Variants in CDH18 observed in about 807,000 individuals in gnomAD.
CDH18 encodes the protein cadherin 18.
CDH18 carries 31 observed loss-of-function variants against 67.9 expected under a neutral mutation model. That is an observed-to-expected ratio of 0.46 (90% CI 0.34 to 0.62). The LOEUF (loss-of-function observed/expected upper bound fraction) is 0.62. Among genes scored for constraint, CDH18 ranks in the 20% least tolerant of loss-of-function variants. The pLI, the probability that CDH18 is intolerant of heterozygous loss-of-function variation, is 0.01. For missense variants in CDH18, 890 were observed against 975.5 expected (o/e 0.91, Z 1.17); for synonymous variants, 362 against 347.2 (o/e 1.04, Z -0.48).
At chr5:19,473,912 A>G (rs974828178) in intron 12 of CDH18, among the ~76,000 whole-genome samples, 196 bp from the exon 13 acceptor site, 7 of 152,162 alleles carry the variant, frequency 4.6e-5, no homozygotes, top group Non-Finnish European at 8.8e-5. Context: ...AATGTAAAAG[A>G]TGATTACCCC....
intron 1 of CDH18, among the ~76,000 whole-genome samples, chr5:20,405,055 T>A (rs1746110209): frequency 6.6e-6 from 1 of 152,132 alleles, no homozygotes; most frequent in African/African-American, 2.4e-5. Flanking sequence ...AAGCTACCAA[T>A]GACTTTCTTC....
Position 19,473,090 on chromosome 5 carries a change from G to T in CDH18, c.*136C>A. On this transcript the variant is annotated 3_prime_UTR_variant, in exon 13 of 13. Coordinates refer to ENST00000382275, the MANE Select transcript of CDH18 (RefSeq NM_004934.5). ...TAACCCAGTTTCGATCATGAAAAGG[G>T]CACTTGTTTCTACAGGAGCTGTGTC... is the stretch of plus-strand genomic sequence containing the variant. The T allele has an allele frequency of 1.1e-6, 1 of 950,366 alleles. No individual in the cohort carries two copies. Among genetic ancestry groups the T allele is most frequent in the Non-Finnish European group, 1.6e-6 (1 of 636,328 alleles). The allele number at this position is 950,366 out of a possible 1,614,324, so 58.9% of individuals were successfully genotyped here. A position where few individuals can be genotyped will look rare whatever the true frequency, so the allele number is the denominator to read the frequency against.
chr5:20,176,048 C>A (rs1737205829), intron 2 of CDH18, among the ~76,000 whole-genome samples: 1 of 152,160 alleles, frequency 6.6e-6, no homozygotes, highest in Admixed American at 6.6e-5. Context: ...AAGCCTTCAT[C>A]TTTTTCCCCC....
intron 5 of CDH18, among the ~76,000 whole-genome samples, chr5:19,704,167 T>C (rs112210122): frequency 7.6e-4 from 116 of 152,278 alleles, no homozygotes; most frequent in African/African-American, 2.6e-3. Context: ...CTGATAAATG[T>C]CCTACCTGTG....
At chr5:20,020,455 G>A (rs1738310795) in intron 2 of CDH18, among the ~76,000 whole-genome samples, 1 of 152,058 alleles carries the variant, frequency 6.6e-6, no homozygotes, top group Admixed American at 6.5e-5. Context: ...TGGAGGCCTA[G>A]GAGGGAAGAA....
chr5:20,105,653 G>A (rs1457286383), intron 2 of CDH18, among the ~76,000 whole-genome samples: 2 of 152,080 alleles, frequency 1.3e-5, no homozygotes, highest in Non-Finnish European at 2.9e-5. Flanking sequence ...CCTCATAAAC[G>A]TGGAATTATG....
chr5:20,081,374 C>A (rs1357439529), intron 2 of CDH18, among the ~76,000 whole-genome samples: 1 of 152,282 alleles, frequency 6.6e-6, no homozygotes, highest in South Asian at 2.1e-4. Context: ...GGAGACTAAA[C>A]TAGTTCAGCC....
At chr5:20,528,329 G>T (rs1046298549) in intron 1 of CDH18, among the ~76,000 whole-genome samples, 1 of 151,916 alleles carries the variant, frequency 6.6e-6, no homozygotes, top group African/African-American at 2.4e-5. Flanking sequence ...CCCACTGTTA[G>T]TATTAGACAG....
chr5:20,463,565 C>G (rs1751421358), intron 1 of CDH18, among the ~76,000 whole-genome samples: 1 of 152,054 alleles, frequency 6.6e-6, no homozygotes, highest in African/African-American at 2.4e-5. Context: ...CTTACAAAAC[C>G]ATCAGATCTC....
At chr5:19,621,502 G>C (rs1227788586) in intron 5 of CDH18, among the ~76,000 whole-genome samples, 5 of 152,080 alleles carry the variant, frequency 3.3e-5, no homozygotes, top group Admixed American at 3.3e-4. Context: ...ATCTCATAGA[G>C]ATACCTGCAC....
chr5:19,670,640 T>G (rs1389942097), intron 5 of CDH18, among the ~76,000 whole-genome samples: 1 of 152,110 alleles, frequency 6.6e-6, no homozygotes, highest in African/African-American at 2.4e-5. Flanking sequence ...CAATACTTTT[T>G]AAAAGCTTCC....
chr5:20,419,008 C>T (rs770154761), intron 1 of CDH18, among the ~76,000 whole-genome samples: 15 of 151,960 alleles, frequency 9.9e-5, no homozygotes, highest in Admixed American at 2.0e-4. Flanking sequence ...ATGGTTTGGC[C>T]GTGTCCCCAT....
chr5:19,680,688 G>A (rs1269463998), intron 5 of CDH18, among the ~76,000 whole-genome samples: 1 of 151,918 alleles, frequency 6.6e-6, no homozygotes, highest in African/African-American at 2.4e-5. Flanking sequence ...CTCATCATTA[G>A]AGAAATGCAA....
At chr5:20,368,045 A>G (rs1742665355) in intron 1 of CDH18, among the ~76,000 whole-genome samples, 1 of 152,168 alleles carries the variant, frequency 6.6e-6, no homozygotes, top group Non-Finnish European at 1.5e-5. Flanking sequence ...CTGTGCAAAA[A>G]AAGGATTGAG....
At chr5:19,912,795 C>G (rs958812327) in intron 2 of CDH18, among the ~76,000 whole-genome samples, 1 of 152,030 alleles carries the variant, frequency 6.6e-6, no homozygotes, top group Non-Finnish European at 1.5e-5. Context: ...TGCTCTGTGT[C>G]AAGAGTCACA....
At chr5:20,060,171 T>A (rs1742338241) in intron 2 of CDH18, among the ~76,000 whole-genome samples, 1 of 151,956 alleles carries the variant, frequency 6.6e-6, no homozygotes, top group African/African-American at 2.4e-5. Flanking sequence ...AAATCACATT[T>A]AAAAGAATAT....
intron 1 of CDH18, among the ~76,000 whole-genome samples, chr5:20,397,448 T>C (rs1017084192): frequency 1.3e-5 from 2 of 152,112 alleles, no homozygotes; most frequent in Non-Finnish European, 2.9e-5. Flanking sequence ...TTTTTGACTA[T>C]AGAGTATTAA....
At chr5:19,720,275 T>TA (rs1370299027) in intron 5 of CDH18, among the ~76,000 whole-genome samples, 3 of 152,286 alleles carry the variant, frequency 2.0e-5, no homozygotes, top group African/African-American at 7.2e-5. Context: ...TATTTATGAT[T>TA]AAAAAATAGC....
At chr5:19,966,233 T>C (rs1245004507) in intron 2 of CDH18, among the ~76,000 whole-genome samples, 1 of 152,170 alleles carries the variant, frequency 6.6e-6, no homozygotes, top group Admixed American at 6.6e-5. Context: ...GCTGTTGTGT[T>C]CAGATTATTT....
Sources: gnomAD v4.1 joint callset for allele counts (sites outside exome capture counted in the v4.1 genomes callset) on GRCh38, gnomAD v4.1.1 for gene constraint, MANE v1.5 for transcripts, NCBI Gene and HGNC (gene_info 2026-07-23, HGNC 2026-07-21) for gene names.